The following TENT5D variants were observed in gnomAD, a reference collection of about 807,000 sequenced individuals.
TENT5D encodes the protein cancer/testis antigen 112.
For synonymous variants in TENT5D, 103 were observed against 100.6 expected, an observed-to-expected ratio of 1.02 and a Z score of -0.15; for missense variants, 191 against 287.0, an observed-to-expected ratio of 0.67 and a Z score of 2.42.
At chrX:80,440,224 A>T (rs1228499443) in intron 2 of TENT5D, among the ~76,000 whole-genome samples, 1 of 111,793 alleles carries the variant, frequency 8.9e-6, no homozygotes, top group East Asian at 2.8e-4. Flanking sequence ...ATTAAGTGGC[A>T]ATTGGAAAGT....
intron 1 of TENT5D, among the ~76,000 whole-genome samples, chrX:80,430,101 G>A (rs1217845636): frequency 2.7e-5 from 3 of 110,457 alleles, no homozygotes; most frequent in Non-Finnish European, 5.7e-5. Flanking sequence ...CTGTAGGGCT[G>A]CCTGCTTTTT....
At chrX:80,412,127 A>T (rs1931681760) in intron 3 of TENT5D, among the ~76,000 whole-genome samples, 2 of 112,845 alleles carry the variant, frequency 1.8e-5, no homozygotes, top group Non-Finnish European at 3.7e-5. Flanking sequence ...TGCCACATGG[A>T]AGCTGCCAAG....
At chrX:80,362,185 A>T (rs1266776102) in intron 3 of TENT5D, among the ~76,000 whole-genome samples, 1 of 109,478 alleles carries the variant, frequency 9.1e-6, no homozygotes, top group Non-Finnish European at 1.9e-5. Context: ...TTTTCTTGAG[A>T]CGGAGTCTTG....
intron 3 of TENT5D, among the ~76,000 whole-genome samples, chrX:80,381,465 G>A (rs1243552121): frequency 9.0e-6 from 1 of 110,944 alleles, no homozygotes. Flanking sequence ...GAGTATCTTT[G>A]TGGTGTTCTC....
At chrX:80,443,647 C>T (rs755766205) in exon 3 of TENT5D, 33 of 1,203,704 alleles carry the variant, frequency 2.7e-5, no homozygotes, top group South Asian at 8.9e-5. Flanking sequence ...ACCTGAGCCA[C>T]CCCCCGTTAG....
chrX:80,339,838 T>A (rs1454597750), intron 2 of TENT5D, among the ~76,000 whole-genome samples: 1 of 107,450 alleles, frequency 9.3e-6, no homozygotes, highest in Non-Finnish European at 1.9e-5. Context: ...TTGGTGATTA[T>A]AATAGATAGT....
chrX:80,347,923 A>T (rs1930099724), intron 3 of TENT5D, among the ~76,000 whole-genome samples: 1 of 112,108 alleles, frequency 8.9e-6, no homozygotes, highest in African/African-American at 3.2e-5. Flanking sequence ...CATTTATTAA[A>T]TAGGGAATCC....
At chrX:80,418,421 G>T (rs1931819885), upstream of TENT5D, among the ~76,000 whole-genome samples, 1 of 111,389 alleles carries the variant, frequency 9.0e-6, no homozygotes, top group Non-Finnish European at 1.9e-5. Flanking sequence ...CAAAACTCTG[G>T]TTGATTTAAA....
At chrX:80,433,475 C>T (rs1158184616) in intron 1 of TENT5D, among the ~76,000 whole-genome samples, 1 of 112,294 alleles carries the variant, frequency 8.9e-6, no homozygotes, top group African/African-American at 3.2e-5. Context: ...GCCATAGCAA[C>T]ACAAACAAGT....
intron 3 of TENT5D, among the ~76,000 whole-genome samples, chrX:80,387,075 G>A (rs1007309708): frequency 4.5e-5 from 5 of 112,181 alleles, no homozygotes; most frequent in Admixed American, 9.5e-5. Flanking sequence ...GATCCATGGT[G>A]AGTAAAACTG....
At position 80,343,234 on chromosome X, in the gene TENT5D, T is replaced by C. The variant is rs568076137; in HGVS notation, c.-142+670T>C. Among the ~76,000 whole-genome samples, 33 of 111,613 alleles carry C rather than the reference T, an allele frequency of 3.0e-4. No individual in the cohort carries two copies. In the South Asian group the frequency reaches 9.3e-3, roughly 32 times the overall value. Reference sequence around the variant, plus strand: ...TATTAACTTCTGACAAGGTGCCATCTACAAATTTGGTATTGAACATTCAGA... The same window carrying C: ...TATTAACTTCTGACAAGGTGCCATCCACAAATTTGGTATTGAACATTCAGA... On this transcript the variant is annotated intron_variant, in intron 3 of 4. Coordinates refer to the TENT5D transcript ENST00000538312.
chrX:80,379,511 T>G (rs1930809535), intron 3 of TENT5D, among the ~76,000 whole-genome samples: 1 of 111,276 alleles, frequency 9.0e-6, no homozygotes, highest in Admixed American at 9.6e-5. Context: ...TTCTATTGAT[T>G]GGAATAGTTT....
At chrX:80,339,534 G>T (rs764360943) in intron 2 of TENT5D, among the ~76,000 whole-genome samples, 4 of 110,971 alleles carry the variant, frequency 3.6e-5, no homozygotes, top group Non-Finnish European at 7.6e-5. Flanking sequence ...AGCTACAGAA[G>T]AGGTAAAGCA....
intron 3 of TENT5D, among the ~76,000 whole-genome samples, chrX:80,398,572 A>G (rs1261645137): frequency 9.4e-6 from 1 of 105,897 alleles, no homozygotes; most frequent in Non-Finnish European, 1.9e-5. Flanking sequence ...TTCTATTTTG[A>G]GTTGATTTTT....
intron 3 of TENT5D, among the ~76,000 whole-genome samples, chrX:80,367,206 T>C (rs1005001628): frequency 9.0e-6 from 1 of 111,547 alleles, no homozygotes; most frequent in Admixed American, 9.6e-5. Context: ...AGTTTTAAAA[T>C]TTGTCTTAAC....
At chrX:80,351,271 C>G (rs1009570750) in intron 3 of TENT5D, among the ~76,000 whole-genome samples, 1 of 110,138 alleles carries the variant, frequency 9.1e-6, no homozygotes, top group Non-Finnish European at 1.9e-5. Context: ...CTATCACTTT[C>G]AGGGACCCCA....
chrX:80,443,874 C>A (rs1932337492), exon 3 of TENT5D: 4 of 457,664 alleles, frequency 8.7e-6, no homozygotes, highest in East Asian at 7.5e-5. Context: ...ATCAATTAAG[C>A]CATCATAGTA....
At chrX:80,397,205 T>C (rs1451525467) in intron 3 of TENT5D, among the ~76,000 whole-genome samples, 2 of 101,121 alleles carry the variant, frequency 2.0e-5, no homozygotes, top group African/African-American at 3.7e-5. Flanking sequence ...GTCTCCTCAC[T>C]TCTCAGACGG....
intron 3 of TENT5D, among the ~76,000 whole-genome samples, chrX:80,383,299 C>T (rs1220049695): frequency 8.9e-6 from 1 of 111,835 alleles, no homozygotes; most frequent in Non-Finnish European, 1.9e-5. Flanking sequence ...TTCATGCAGA[C>T]TCACTTTATG....
Sources: allele counts gnomAD v4.1 joint callset (sites outside exome capture counted in the v4.1 genomes callset), GRCh38; gene constraint gnomAD v4.1.1; transcripts MANE v1.5; gene names NCBI Gene and HGNC (gene_info 2026-07-23, HGNC 2026-07-21).